Variants in GULP1 observed in about 807,000 individuals in gnomAD.
The protein encoded by GULP1 is GULP PTB domain containing engulfment adaptor 1.
In GULP1, 19 loss-of-function variants were observed where a neutral mutation model predicts 40.9. The observed-to-expected ratio is 0.46, with a 90% CI of 0.32 to 0.68. GULP1 has a LOEUF of 0.68. Ranked by LOEUF, GULP1 falls within the 30% of genes least tolerant of loss-of-function variation. The pLI is 0.03. For missense variants in GULP1, 312 were observed against 362.2 expected (o/e 0.86, Z 1.12); for synonymous variants, 119 against 117.6 (o/e 1.01, Z -0.08).
intron 2 of GULP1, among the ~76,000 whole-genome samples, chr2:188,411,692 A>G (rs1451038170): frequency 1.3e-5 from 2 of 152,148 alleles, no homozygotes; most frequent in African/African-American, 2.4e-5. Flanking sequence ...CAATTTTTCA[A>G]TCATGTTTCT....
chr2:188,416,281 T>C (rs2054569309), intron 2 of GULP1, among the ~76,000 whole-genome samples: 1 of 152,146 alleles, frequency 6.6e-6, no homozygotes, highest in African/African-American at 2.4e-5. Context: ...TGGGGTATTG[T>C]AGCCCTTTCA....
intron 2 of GULP1, among the ~76,000 whole-genome samples, chr2:188,451,705 C>T (rs1333162339): frequency 2.0e-5 from 3 of 151,568 alleles, no homozygotes; most frequent in Non-Finnish European, 4.4e-5. Context: ...AACTATGTAA[C>T]TGGAAATTCT....
intron 4 of GULP1, among the ~76,000 whole-genome samples, chr2:188,489,067 C>T (rs1257738578): frequency 6.6e-6 from 1 of 151,628 alleles, no homozygotes; most frequent in Non-Finnish European, 1.5e-5. Flanking sequence ...ATAAATTACC[C>T]TTCAATGAAA....
intron 1 of GULP1, among the ~76,000 whole-genome samples, chr2:188,369,461 A>T (rs1200439177): frequency 1.3e-5 from 2 of 152,050 alleles, no homozygotes; most frequent in Admixed American, 6.5e-5. Context: ...CCCAGCCAAC[A>T]TGTCCAGTCT....
chr2:188,525,811 A>G (rs914436866), intron 5 of GULP1, among the ~76,000 whole-genome samples: 4 of 152,008 alleles, frequency 2.6e-5, no homozygotes, highest in African/African-American at 9.7e-5. Context: ...TTCCATTTGA[A>G]CTCACTCTTT....
At chr2:188,410,406 A>T (rs2053705686) in intron 2 of GULP1, among the ~76,000 whole-genome samples, 1 of 152,178 alleles carries the variant, frequency 6.6e-6, no homozygotes, top group African/African-American at 2.4e-5. Context: ...GTGAAGAGAC[A>T]ACCTATGGAA....
intron 7 of GULP1, among the ~76,000 whole-genome samples, chr2:188,550,345 A>G (rs1158271954): frequency 6.6e-6 from 1 of 151,626 alleles, no homozygotes; most frequent in Non-Finnish European, 1.5e-5. Context: ...TAGAACAGAG[A>G]ATTTATTGTG....
At chr2:188,436,971 T>G (rs1053344617) in intron 2 of GULP1, among the ~76,000 whole-genome samples, 1 of 152,160 alleles carries the variant, frequency 6.6e-6, no homozygotes, top group African/African-American at 2.4e-5. Flanking sequence ...AACATAATGT[T>G]ATCACTTACC....
intron 2 of GULP1, chr2:188,384,401 G>A (rs1215860810): frequency 3.9e-5 from 6 of 151,938 alleles, no homozygotes; most frequent in African/African-American, 7.3e-5. Context: ...GGAAAGACTC[G>A]CCCCCATGAT....
chr2:188,353,072 G>T (rs1188561190), intron 1 of GULP1, among the ~76,000 whole-genome samples: 1 of 151,964 alleles, frequency 6.6e-6, no homozygotes, highest in Non-Finnish European at 1.5e-5. Flanking sequence ...AAAATTCATG[G>T]GATAATAAAT....
intron 6 of GULP1, among the ~76,000 whole-genome samples, chr2:188,540,629 G>A (rs1052015043): frequency 6.6e-6 from 1 of 151,994 alleles, no homozygotes. Context: ...ACAGGTTCAA[G>A]AGTGTATGAG....
At chr2:188,440,645 A>G (rs1559243833) in intron 2 of GULP1, among the ~76,000 whole-genome samples, 1 of 152,088 alleles carries the variant, frequency 6.6e-6, no homozygotes, top group Non-Finnish European at 1.5e-5. Context: ...GCTCACTGCA[A>G]CCTTCGCCTC....
chr2:188,448,871 T>C (rs1204764908), intron 2 of GULP1, among the ~76,000 whole-genome samples: 1 of 152,104 alleles, frequency 6.6e-6, no homozygotes, highest in East Asian at 1.9e-4. Flanking sequence ...CTCCCCTTTT[T>C]CCTCCTTCTC....
intron 1 of GULP1, among the ~76,000 whole-genome samples, chr2:188,321,663 A>G (rs957462191): frequency 5.3e-5 from 8 of 152,074 alleles, no homozygotes; most frequent in Non-Finnish European, 5.9e-5. Flanking sequence ...GTAGTCTTCT[A>G]TATCTTTTTT....
chr2:188,533,799 AC>A (rs1688187265), intron 6 of GULP1, among the ~76,000 whole-genome samples: 1 of 152,112 alleles, frequency 6.6e-6, no homozygotes, highest in Non-Finnish European at 1.5e-5. Flanking sequence ...AATAATAATA[AC>A]CCGATTAAAA....
intron 4 of GULP1, among the ~76,000 whole-genome samples, chr2:188,516,491 C>T (rs1032543660): frequency 9.2e-5 from 14 of 151,986 alleles, no homozygotes; most frequent in Non-Finnish European, 1.9e-4. Flanking sequence ...ATTAATATAA[C>T]ATTGAGTCCC....
intron 7 of GULP1, among the ~76,000 whole-genome samples, chr2:188,557,274 C>T (rs907758152): frequency 2.2e-4 from 33 of 152,294 alleles, no homozygotes; most frequent in African/African-American, 7.7e-4. Flanking sequence ...TCCAAAATCT[C>T]ATCTGAGACA....
intron 5 of GULP1, among the ~76,000 whole-genome samples, chr2:188,526,023 C>G (rs1157269162): frequency 6.6e-6 from 1 of 152,004 alleles, no homozygotes; most frequent in Non-Finnish European, 1.5e-5. Context: ...ATTTTATTGC[C>G]TAACACTCTA....
intron 4 of GULP1, among the ~76,000 whole-genome samples, chr2:188,494,902 C>G (rs1045030303): frequency 6.6e-6 from 1 of 151,956 alleles, no homozygotes; most frequent in African/African-American, 2.4e-5. Context: ...TACTTCCTTG[C>G]TAAATGTCAA....
Sources: gnomAD v4.1 joint callset for allele counts (sites outside exome capture counted in the v4.1 genomes callset) on GRCh38, gnomAD v4.1.1 for gene constraint, MANE v1.5 for transcripts, NCBI Gene and HGNC (gene_info 2026-07-23, HGNC 2026-07-21) for gene names.